The following POLR1D variants were observed in gnomAD, a reference collection of about 807,000 sequenced individuals.
POLR1D encodes DNA-directed RNA polymerases I and III subunit RPAC2.
A neutral mutation model predicts 10.8 loss-of-function variants in POLR1D; 8 were observed. The ratio of observed to expected loss-of-function variants is 0.74; its 90% CI spans 0.43 to 1.33. The LOEUF (loss-of-function observed/expected upper bound fraction) is 1.33, where lower values mean the gene tolerates loss of function less well. POLR1D is among the 40% of genes most tolerant of loss of function. The pLI, the probability that POLR1D is intolerant of heterozygous loss-of-function variation, is 0.01. For synonymous variants in POLR1D, 54 were observed against 57.2 expected, an observed-to-expected ratio of 0.94 and a Z score of 0.25; for missense variants, 152 against 161.7, an observed-to-expected ratio of 0.94 and a Z score of 0.32.
At chr13:27,626,397 G>A (rs1475089372), downstream of POLR1D, among the ~76,000 whole-genome samples, 1 of 152,220 alleles carries the variant, frequency 6.6e-6, no homozygotes, top group Non-Finnish European at 1.5e-5. Context: ...AGTCTTGAAT[G>A]TCTTTAGGGT....
At chr13:27,660,522 A>C (rs1472155906) in intron 2 of POLR1D, among the ~76,000 whole-genome samples, 1 of 152,158 alleles carries the variant, frequency 6.6e-6, no homozygotes, top group African/African-American at 2.4e-5. Flanking sequence ...AGAGTCAGGC[A>C]TGTTTAAGGG....
At chr13:27,643,483 GAACCCAA>G (rs1332521892) in intron 1 of POLR1D, among the ~76,000 whole-genome samples, 1 of 152,102 alleles carries the variant, frequency 6.6e-6, no homozygotes, top group Non-Finnish European at 1.5e-5. Flanking sequence ...AAGTCATAAA[GAACCCAA>G]ACTTTGTCCT....
chr13:27,654,728 C>T (rs1956294413), intron 2 of POLR1D, among the ~76,000 whole-genome samples: 1 of 152,148 alleles, frequency 6.6e-6, no homozygotes, highest in South Asian at 2.1e-4. Flanking sequence ...AAAAATTTAA[C>T]AAAATTAATA....
chr13:27,628,336 G>T (rs375412206), downstream of POLR1D, among the ~76,000 whole-genome samples: 1 of 152,158 alleles, frequency 6.6e-6, no homozygotes, highest in Admixed American at 6.5e-5. Flanking sequence ...GCCAGGATAC[G>T]GCAGTGAACA....
chr13:27,641,124 C>T (rs1956169636), intron 1 of POLR1D, among the ~76,000 whole-genome samples: 1 of 152,134 alleles, frequency 6.6e-6, no homozygotes, highest in Admixed American at 6.5e-5. Flanking sequence ...GCCGATTGTA[C>T]ACTCTTGTGC....
chr13:27,627,727 GTTTTTTTT>G (rs57621806), downstream of POLR1D, among the ~76,000 whole-genome samples: 1 of 95,424 alleles, frequency 1.0e-5, no homozygotes, highest in African/African-American at 3.7e-5. Flanking sequence ...TAAAGTTTTA[GTTTTTTTT>G]TTTTTTTTTT....
upstream of POLR1D, chr13:27,621,851 C>T (rs1256672101): frequency 9.7e-6 from 9 of 930,770 alleles, no homozygotes; most frequent in Admixed American, 2.0e-5. Context: ...GCTGCGGCTC[C>T]TCCTCCCTCC....
chr13:27,662,628 A>AT (rs1291231610), intron 2 of POLR1D, among the ~76,000 whole-genome samples: 3 of 152,216 alleles, frequency 2.0e-5, no homozygotes, highest in African/African-American at 2.4e-5. Context: ...TAAATGCCTT[A>AT]TACATTATCT....
chr13:27,622,740 A>G, intron 1 of POLR1D, 135 bp from the exon 2 acceptor site: 2 of 644,460 alleles, frequency 3.1e-6, no homozygotes, highest in Admixed American at 5.7e-5. Flanking sequence ...AGGCAGGAAA[A>G]TGAGAGGCGA....
chr13:27,627,580 C>G (rs1171577888), downstream of POLR1D, among the ~76,000 whole-genome samples: 3 of 152,148 alleles, frequency 2.0e-5, no homozygotes, highest in African/African-American at 7.2e-5. Flanking sequence ...AACATCTATT[C>G]TTTCATGAGC....
chr13:27,637,508 T>A (rs1035629353), intron 1 of POLR1D, among the ~76,000 whole-genome samples: 1 of 152,240 alleles, frequency 6.6e-6, no homozygotes. Context: ...TTCATCACTT[T>A]GAACTTTTAT....
intron 1 of POLR1D, among the ~76,000 whole-genome samples, chr13:27,640,472 A>G (rs1293024419): frequency 1.3e-5 from 2 of 152,212 alleles, no homozygotes; most frequent in Admixed American, 6.5e-5. Context: ...TCATCTTGGC[A>G]TGAATGCAAT....
chr13:27,650,536 AC>A (rs1956259316), intron 2 of POLR1D: 2 of 154,054 alleles, frequency 1.3e-5, no homozygotes, highest in Non-Finnish European at 2.9e-5. Flanking sequence ...TCCACCCTAA[AC>A]AAAGACATTT....
At position 27,630,532 on chromosome 13, in the gene POLR1D, C is replaced by T. The variant is rs61015264; in HGVS notation, c.26+8523C>T. 3.3e-3 allele frequency among the ~76,000 whole-genome samples: 506 copies of T among 151,870 alleles called. 2 individuals carry two copies. Among genetic ancestry groups the T allele is most frequent in the African/African-American group, 0.011 (470 of 41,372 alleles). On this transcript the variant is annotated intron_variant, in intron 1 of 2. Coordinates refer to the POLR1D transcript ENST00000399697. The stretch of plus-strand genomic sequence containing the variant: ...CTTTCAAGGCAGTGTTGTGTAGAGG[C>T]GAAGGGTAGGGACTCTGAAGTCAGA...
At chr13:27,652,687 T>C (rs899359104) in intron 2 of POLR1D, among the ~76,000 whole-genome samples, 1 of 151,978 alleles carries the variant, frequency 6.6e-6, no homozygotes, top group Non-Finnish European at 1.5e-5. Flanking sequence ...CTCGCCAACA[T>C]GGTGAAATCC....
upstream of POLR1D, chr13:27,621,759 C>G: frequency 2.7e-6 from 1 of 368,038 alleles, no homozygotes; most frequent in East Asian, 4.3e-5. Flanking sequence ...CGCGGGGCCG[C>G]GAGCCACCGC....
exon 3 of POLR1D, chr13:27,665,732 A>G (rs2138578392): frequency 6.2e-7 from 1 of 1,613,272 alleles, no homozygotes; most frequent in Middle Eastern, 1.7e-4. Flanking sequence ...TCTAATTAAC[A>G]CAATTAAAAA....
At chr13:27,630,821 T>A (rs1015033272) in intron 1 of POLR1D, among the ~76,000 whole-genome samples, 1 of 152,254 alleles carries the variant, frequency 6.6e-6, no homozygotes, top group African/African-American at 2.4e-5. Flanking sequence ...GTACAGGTTG[T>A]GTCATGTTAT....
At chr13:27,666,041 C>A in exon 3 of POLR1D, 1 of 1,206,118 alleles carries the variant, frequency 8.3e-7, no homozygotes. Context: ...GCAGGGCAAA[C>A]ACCTGAGAGT....
Sources: allele counts gnomAD v4.1 joint callset (sites outside exome capture counted in the v4.1 genomes callset), GRCh38; gene constraint gnomAD v4.1.1; transcripts MANE v1.5; gene names NCBI Gene and HGNC (gene_info 2026-07-23, HGNC 2026-07-21).